The following NRG3 variants were observed in gnomAD, a reference collection of about 807,000 sequenced individuals.
NRG3 encodes the protein neuregulin 3, also known as pro-neuregulin-3, membrane-bound isoform.
NRG3 carries 31 observed loss-of-function variants against 66.9 expected under a neutral mutation model. The observed-to-expected ratio is 0.46, with a 90% CI of 0.35 to 0.63. The LOEUF (loss-of-function observed/expected upper bound fraction) is 0.63. Ranked by LOEUF, NRG3 falls within the 20% of genes least tolerant of loss-of-function variation. The pLI is 0.00. For missense variants in NRG3, 910 were observed against 878.9 expected (o/e 1.04, Z -0.45); for synonymous variants, 393 against 359.4 (o/e 1.09, Z -1.06).
At chr10:82,451,210 G>A (rs7074306) in intron 2 of NRG3, among the ~76,000 whole-genome samples, 63,886 of 151,840 alleles carry the variant, frequency 0.42, 16,248 homozygotes, top group African/African-American at 0.71. Context: ...TGAAATGCAG[G>A]GAACTTAAAT....
At chr10:81,986,102 GT>G (rs1291075009) in intron 1 of NRG3, among the ~76,000 whole-genome samples, 1 of 152,130 alleles carries the variant, frequency 6.6e-6, no homozygotes, top group African/African-American at 2.4e-5. Context: ...AAAGGGCACA[GT>G]TTATTTTATA....
chr10:82,909,514 A>G (rs1205569185), intron 4 of NRG3, among the ~76,000 whole-genome samples: 2 of 152,160 alleles, frequency 1.3e-5, no homozygotes, highest in Non-Finnish European at 2.9e-5. Context: ...GGAAAAAAAA[A>G]GACCCTCCAA....
At chr10:82,543,487 CT>C (rs1401323686) in intron 2 of NRG3, among the ~76,000 whole-genome samples, 3 of 152,120 alleles carry the variant, frequency 2.0e-5, no homozygotes, top group African/African-American at 7.2e-5. Flanking sequence ...CCACCAATGT[CT>C]TTATCCATCT....
At chr10:81,884,248 G>C (rs550383987) in intron 1 of NRG3, among the ~76,000 whole-genome samples, 6 of 152,292 alleles carry the variant, frequency 3.9e-5, no homozygotes, top group African/African-American at 9.6e-5. Context: ...TTCACACACA[G>C]ATAGTGGCAT....
intron 1 of NRG3, among the ~76,000 whole-genome samples, chr10:81,892,024 G>A (rs1843053936): frequency 6.6e-6 from 1 of 152,126 alleles, no homozygotes; most frequent in African/African-American, 2.4e-5. Flanking sequence ...TGTATTTTAT[G>A]TTGGACATTT....
chr10:82,938,466 G>A lies in NRG3; in HGVS notation c.1055-13003G>A, dbSNP rs1413715557. 2.6e-5 allele frequency among the ~76,000 whole-genome samples: 4 copies of A among 152,370 alleles called. No individual in the cohort carries two copies. The East Asian group carries it at 7.7e-4, about 29-fold the overall frequency. On this transcript the variant is annotated intron_variant, in intron 4 of 8. Transcript: ENST00000372141. The stretch of plus-strand genomic sequence containing the variant: ...ACTCGAGACAGCTCCTGATGGGATA[G>A]TTACAACTTAAGCCTGGGAAGTCAA...
chr10:82,027,173 A>G (rs1246320761), intron 1 of NRG3, among the ~76,000 whole-genome samples: 3 of 152,120 alleles, frequency 2.0e-5, no homozygotes, highest in African/African-American at 4.8e-5. Flanking sequence ...TCATGCAATA[A>G]TTGAAATAAC....
At chr10:82,329,031 C>T (rs2082008355) in intron 1 of NRG3, among the ~76,000 whole-genome samples, 1 of 152,316 alleles carries the variant, frequency 6.6e-6, no homozygotes, top group African/African-American at 2.4e-5. Context: ...TTGCCTGCCT[C>T]CAAAGCAGAG....
intron 5 of NRG3, among the ~76,000 whole-genome samples, chr10:82,951,864 C>T (rs1337341496): frequency 1.3e-5 from 2 of 152,222 alleles, no homozygotes; most frequent in Admixed American, 1.3e-4. Flanking sequence ...TGATTCACCA[C>T]TTGCTGGTAT....
At chr10:82,283,418 C>T (rs1168711933) in intron 1 of NRG3, among the ~76,000 whole-genome samples, 1 of 152,162 alleles carries the variant, frequency 6.6e-6, no homozygotes, top group Non-Finnish European at 1.5e-5. Context: ...CAAGTTTTCA[C>T]TGGAAAATAG....
chr10:82,184,236 T>G (rs2073643333), intron 1 of NRG3, among the ~76,000 whole-genome samples: 1 of 152,160 alleles, frequency 6.6e-6, no homozygotes, highest in Admixed American at 6.6e-5. Context: ...AATCAATGTC[T>G]GATAAAACTG....
intron 1 of NRG3, among the ~76,000 whole-genome samples, chr10:82,127,621 C>T (rs934239452): frequency 6.6e-6 from 1 of 152,044 alleles, no homozygotes; most frequent in Admixed American, 6.6e-5. Flanking sequence ...TAAATATGCA[C>T]AGTAAACCTG....
At position 82,838,089 on chromosome 10, in the gene NRG3, C is replaced by T. The variant is rs901936038; in HGVS notation, c.1028-27322C>T. On this transcript the variant is annotated intron_variant, in intron 3 of 8. Coordinates refer to ENST00000372141, the MANE Select transcript of NRG3 (RefSeq NM_001010848.4). ...TCATTTGCTGCCAATTTATTTAGCA[C>T]TAAGCTTAAAATCCTCTTTGGAGGA... is the stretch of plus-strand genomic sequence containing the variant. Among the ~76,000 whole-genome samples, 6 of 152,100 alleles carry T rather than the reference C, an allele frequency of 3.9e-5. No individual in the cohort carries two copies. The South Asian group carries it at 1.2e-3, about 31-fold the overall frequency.
intron 1 of NRG3, among the ~76,000 whole-genome samples, chr10:82,090,267 T>C (rs1254952545): frequency 6.6e-6 from 1 of 152,200 alleles, no homozygotes; most frequent in Non-Finnish European, 1.5e-5. Flanking sequence ...ATAGTTTCAA[T>C]AGGACTGGGT....
chr10:82,744,054 C>T (rs2058541322), intron 3 of NRG3, among the ~76,000 whole-genome samples: 2 of 152,208 alleles, frequency 1.3e-5, no homozygotes, highest in South Asian at 2.1e-4. Context: ...TAGAACAATT[C>T]CATGGGCATC....
intron 2 of NRG3, among the ~76,000 whole-genome samples, chr10:82,453,980 C>G (rs1272045819): frequency 6.6e-6 from 1 of 152,178 alleles, no homozygotes; most frequent in African/African-American, 2.4e-5. Context: ...AACTGGAACT[C>G]AGGACTGTCT....
chr10:82,415,042 C>A (rs2088436323), intron 2 of NRG3, among the ~76,000 whole-genome samples: 1 of 152,160 alleles, frequency 6.6e-6, no homozygotes, highest in Admixed American at 6.5e-5. Context: ...AACATCAAAA[C>A]TACTATTTCA....
rs556508385 is a variant in NRG3 at position 82,163,143 on chromosome 10, T to C, written c.824-195596T>C. 5.3e-5 allele frequency among the ~76,000 whole-genome samples: 8 copies of C among 152,224 alleles called. No homozygotes were observed. In the East Asian group the frequency reaches 1.5e-3, roughly 29 times the overall value. ...CTTTTCAGAAGGTCTAATTAACCTA[T>C]GGAGTCTTCCAAATTTACCGACAGC... On this transcript the variant is annotated intron_variant, in intron 1 of 8. Transcript: ENST00000372141.
At chr10:82,413,576 G>T (rs1379625533) in intron 2 of NRG3, among the ~76,000 whole-genome samples, 1 of 152,046 alleles carries the variant, frequency 6.6e-6, no homozygotes, top group South Asian at 2.1e-4. Context: ...GAGAGTCAGC[G>T]GTTCCTTTGA....
Sources: allele counts gnomAD v4.1 joint callset (sites outside exome capture counted in the v4.1 genomes callset), GRCh38; gene constraint gnomAD v4.1.1; transcripts MANE v1.5; gene names NCBI Gene and HGNC (gene_info 2026-07-23, HGNC 2026-07-21).